Variants in GAS2 observed in about 807,000 individuals in gnomAD.
GAS2 encodes growth arrest specific 2.
GAS2 carries 20 observed loss-of-function variants against 37.5 expected under a neutral mutation model. The observed-to-expected ratio is 0.53, with a 90% CI of 0.37 to 0.77. GAS2 has a LOEUF of 0.77. Ranked by LOEUF, GAS2 falls within the 30% of genes least tolerant of loss-of-function variation. The probability of loss-of-function intolerance (pLI) is 0.00; values close to 1 mark genes in which losing one functional copy is unlikely to be tolerated. For missense variants in GAS2, 336 were observed against 373.4 expected (o/e 0.90, Z 0.82); for synonymous variants, 144 against 132.2 (o/e 1.09, Z -0.61).
chr11:22,746,797 C>T (rs898593096), intron 5 of GAS2, among the ~76,000 whole-genome samples: 7 of 152,134 alleles, frequency 4.6e-5, no homozygotes, highest in Non-Finnish European at 7.4e-5. Flanking sequence ...CAAACCTCAA[C>T]ATTATGCAAT....
At chr11:22,782,660 T>C (rs1432898960) in intron 7 of GAS2, among the ~76,000 whole-genome samples, 1 of 150,984 alleles carries the variant, frequency 6.6e-6, no homozygotes, top group Non-Finnish European at 1.5e-5. Flanking sequence ...GAAAATACAG[T>C]ACGTTGTTTT....
chr11:22,653,937 A>C (rs1284884798), intron 1 of GAS2, among the ~76,000 whole-genome samples: 1 of 152,200 alleles, frequency 6.6e-6, no homozygotes, highest in East Asian at 1.9e-4. Context: ...CTGGGAACCC[A>C]GCCTCTATAA....
At chr11:22,649,863 A>C (rs1848750836) in intron 1 of GAS2, among the ~76,000 whole-genome samples, 1 of 151,860 alleles carries the variant, frequency 6.6e-6, no homozygotes, top group Non-Finnish European at 1.5e-5. Context: ...CCTTTCAAAA[A>C]ACCAGCTCCT....
chr11:22,700,796 G>T (rs1213338596), intron 3 of GAS2, among the ~76,000 whole-genome samples: 3 of 152,150 alleles, frequency 2.0e-5, no homozygotes, highest in East Asian at 1.9e-4. Flanking sequence ...ATGGTTTCAT[G>T]AATTTGCTCA....
In GAS2 at chr11:22,773,907, C is replaced by G. The variant is rs78952830; in HGVS notation, c.723+17954C>G. ...AGCCAGAGGCTAGTGAGGGAGGCAT[C>G]GATATATGTAATGTGCTTCCCACCT... On this transcript the variant is annotated intron_variant, in intron 7 of 7. Transcript: ENST00000454584. Among the ~76,000 whole-genome samples the G allele has an allele frequency of 5.8e-4, 89 of 152,260 alleles. No individual in the cohort carries two copies. The East Asian group carries it at 0.015, about 25-fold the overall frequency.
chr11:22,651,989 G>C (rs1019671472), intron 1 of GAS2, among the ~76,000 whole-genome samples: 5 of 152,170 alleles, frequency 3.3e-5, no homozygotes, highest in South Asian at 4.1e-4. Flanking sequence ...GAGGAGGAGA[G>C]GTGCTCTGCT....
At chr11:22,642,109 A>G (rs1848637974) in intron 1 of GAS2, among the ~76,000 whole-genome samples, 1 of 152,186 alleles carries the variant, frequency 6.6e-6, no homozygotes, top group South Asian at 2.1e-4. Flanking sequence ...TTGAAGCACA[A>G]GAATGATAAG....
At chr11:22,653,884 C>T (rs1027130678) in intron 1 of GAS2, among the ~76,000 whole-genome samples, 1 of 152,204 alleles carries the variant, frequency 6.6e-6, no homozygotes, top group Non-Finnish European at 1.5e-5. Context: ...AGCTTCCACC[C>T]TATTCTACTC....
intron 7 of GAS2, among the ~76,000 whole-genome samples, chr11:22,805,177 AAT>A (rs1194171236): frequency 6.6e-6 from 1 of 152,106 alleles, no homozygotes; most frequent in Non-Finnish European, 1.5e-5. Context: ...CTATGACAGT[AAT>A]ATCTTTTTTA....
intron 1 of GAS2, among the ~76,000 whole-genome samples, chr11:22,668,880 C>A (rs2133862450): frequency 1.3e-5 from 2 of 152,220 alleles, no homozygotes; most frequent in Middle Eastern, 3.4e-3. Flanking sequence ...ATATTAAGGT[C>A]CAAACAGGAT....
upstream of GAS2, among the ~76,000 whole-genome samples, chr11:22,665,780 A>G (rs575387750): frequency 2.6e-5 from 4 of 152,328 alleles, no homozygotes; most frequent in East Asian, 7.7e-4. Flanking sequence ...TTTAAATTAT[A>G]TCTAAAATCA....
chr11:22,788,131 T>C (rs578184468), intron 7 of GAS2, among the ~76,000 whole-genome samples: 25 of 152,340 alleles, frequency 1.6e-4, no homozygotes, highest in African/African-American at 5.5e-4. Flanking sequence ...ATTTGCACTG[T>C]TATTATGTTA....
At chr11:22,636,977 A>G (rs1283628388) in intron 1 of GAS2, among the ~76,000 whole-genome samples, 4 of 140,856 alleles carry the variant, frequency 2.8e-5, no homozygotes, top group Non-Finnish European at 6.1e-5. Flanking sequence ...TATTTATATC[A>G]ATAGTACATT....
intron 3 of GAS2, among the ~76,000 whole-genome samples, chr11:22,711,126 A>G (rs1289313413): frequency 6.6e-6 from 1 of 152,170 alleles, no homozygotes; most frequent in Non-Finnish European, 1.5e-5. Flanking sequence ...ATGCCATTAG[A>G]CAGCTGAAAA....
upstream of GAS2, among the ~76,000 whole-genome samples, chr11:22,663,384 C>T (rs1424066459): frequency 4.0e-5 from 6 of 150,348 alleles, no homozygotes; most frequent in East Asian, 7.8e-4. Context: ...GCCATGGCAA[C>T]GCCACTGCAA....
chr11:22,741,450 A>G (rs993388306), intron 5 of GAS2, among the ~76,000 whole-genome samples: 6 of 147,620 alleles, frequency 4.1e-5, no homozygotes, highest in African/African-American at 7.9e-5. Flanking sequence ...TGATCCTTAT[A>G]ATAGAAGTAA....
intron 1 of GAS2, among the ~76,000 whole-genome samples, chr11:22,648,091 G>C (rs192292724): frequency 4.6e-5 from 7 of 152,114 alleles, no homozygotes; most frequent in Admixed American, 4.6e-4. Flanking sequence ...ATCTTGAATT[G>C]ATTTTTGTAT....
intron 3 of GAS2, among the ~76,000 whole-genome samples, chr11:22,686,226 A>G (rs979701237): frequency 1.3e-5 from 2 of 152,180 alleles, no homozygotes; most frequent in Non-Finnish European, 2.9e-5. Context: ...AATAAGTAGT[A>G]CCATTGAACT....
chr11:22,691,170 A>G (rs754987991), intron 3 of GAS2, among the ~76,000 whole-genome samples: 30 of 152,284 alleles, frequency 2.0e-4, no homozygotes, highest in Non-Finnish European at 2.9e-4. Context: ...TTATGCTCCA[A>G]GGAAGGAACT....
Sources: gnomAD v4.1 joint callset for allele counts (sites outside exome capture counted in the v4.1 genomes callset) on GRCh38, gnomAD v4.1.1 for gene constraint, MANE v1.5 for transcripts, NCBI Gene and HGNC (gene_info 2026-07-23, HGNC 2026-07-21) for gene names.